Variants in GMPPA observed in about 807,000 individuals in gnomAD.
GMPPA encodes the protein mannose-1-phosphate guanylyltransferase regulatory subunit alpha.
In GMPPA, 46 loss-of-function variants were observed where a neutral mutation model predicts 58.6. That is an observed-to-expected ratio of 0.78 (90% CI 0.62 to 1.00). The LOEUF (loss-of-function observed/expected upper bound fraction) is 1.00, where lower values mean the gene tolerates loss of function less well. GMPPA is among the 50% of genes least tolerant of loss of function. The probability of loss-of-function intolerance (pLI) is 0.00; values close to 1 mark genes in which losing one functional copy is unlikely to be tolerated. For missense variants in GMPPA, 468 were observed against 556.4 expected (o/e 0.84, Z 1.60); for synonymous variants, 211 against 214.9 (o/e 0.98, Z 0.16).
chr2:219,501,330 G>A (rs1371400542), intron 3 of GMPPA, 146 bp from the exon 4 acceptor site: 1 of 655,648 alleles, frequency 1.5e-6, no homozygotes, highest in East Asian at 2.5e-5. Context: ...TTGTCCAGAG[G>A]AGAAAATAGC....
At chr2:219,499,168 C>T (rs1049565840) in intron 1 of GMPPA, 2 of 152,186 alleles carry the variant, frequency 1.3e-5, no homozygotes, top group African/African-American at 4.8e-5. Context: ...CCCAGTCGTC[C>T]GTATTAGGAC....
At chr2:219,501,287 A>G in intron 3 of GMPPA, 189 bp from the exon 4 acceptor site, 1 of 591,218 alleles carries the variant, frequency 1.7e-6, no homozygotes, top group Non-Finnish European at 3.0e-6. Flanking sequence ...AAACGAAAAA[A>G]GATCAGGCCT....
intron 2 of GMPPA, 52 bp downstream of exon 2, chr2:219,500,067 G>A (rs1310166510): frequency 1.2e-6 from 2 of 1,603,100 alleles, no homozygotes; most frequent in East Asian, 2.2e-5. Context: ...TGGTAGGCGG[G>A]ATGGGGGCAG....
chr2:219,501,671 C>T lies in GMPPA; in HGVS notation c.242+92C>T. ...GGTTGAGTCAGCATTTGCTGGAGTT[C>T]ATCCTCGCCTACTAGAAGGATTCTT... On this transcript the variant is annotated intron_variant, in intron 4 of 12. Transcript: ENST00000313597. 3.2e-6 allele frequency: 3 copies of T among 946,366 alleles called. No homozygotes were observed. The South Asian group carries it at 4.0e-5, about 13-fold the overall frequency. The allele number at this position is 946,366 out of a possible 1,614,324, so 58.6% of individuals were successfully genotyped here.
In GMPPA at chr2:219,506,030, G is replaced by A. The variant is rs1382736339; in HGVS notation, c.951G>A (p.Val317=). The A allele has an allele frequency of 2.5e-6, 4 of 1,595,930 alleles. No homozygotes were observed. Among genetic ancestry groups the A allele is most frequent in the Middle Eastern group, 1.7e-4 (1 of 6,022 alleles). The part of the protein sequence containing the change: ...IGKGVTVGEG[V]RLRESIVLHG... ...AGGGGGTGACCGTGGGTGAGGGTGT[G>A]CGGCTCCGGGAGAGCATCGTCCTCC... The change falls in exon 11 of 13, where the codon GTG becomes GTA. Residue 317 remains valine (V), a synonymous_variant. Coordinates refer to ENST00000313597, the MANE Select transcript of GMPPA (RefSeq NM_013335.4).
At chr2:219,501,800 G>T in intron 4 of GMPPA, 51 bp from the exon 5 acceptor site, 1 of 1,551,926 alleles carries the variant, frequency 6.4e-7, no homozygotes, top group South Asian at 1.1e-5. Flanking sequence ...CTGGCTCATG[G>T]TATCTGTTTC....
intron 12 of GMPPA, 121 bp from the exon 13 acceptor site, chr2:219,506,577 G>T: frequency 1.0e-6 from 1 of 979,428 alleles, no homozygotes; most frequent in East Asian, 2.6e-5. Flanking sequence ...GAGTCACCGG[G>T]GGCATGAGAC....
At position 219,506,694 on chromosome 2, in the gene GMPPA, G is replaced by T. The variant is rs755704099; in HGVS notation, c.1163-4G>T. ...CTCCCCTGGTGCCCTCATCCATGCT[G>T]CAGGCTGCCGAGTCCGGATCCCTGC... is the stretch of plus-strand genomic sequence containing the variant. On this transcript the variant is annotated splice_polypyrimidine_tract_variant and splice_region_variant and intron_variant, in intron 12 of 12. Coordinates refer to ENST00000313597, the MANE Select transcript of GMPPA (RefSeq NM_013335.4). 1 of 1,560,824 alleles carries T rather than the reference G, an allele frequency of 6.4e-7. No homozygotes were observed. The highest frequency in any genetic ancestry group is 8.8e-7 in the Non-Finnish European group (1 of 1,132,232).
Position 219,506,294 on chromosome 2 carries a change from G to T in GMPPA, c.1034G>T (p.Ser345Ile). ...CVLHSIVGWG[S>I]TVGRWARVEG... is the part of the protein sequence containing the mutation. ...CTGCATAGCATCGTGGGCTGGGGGAGCACCGTGGGACGCTGGGCCCGCGTG... is the reference window on the plus strand; with the variant it reads ...CTGCATAGCATCGTGGGCTGGGGGATCACCGTGGGACGCTGGGCCCGCGTG... Residue 345 changes from serine (S) to isoleucine (I), a missense_variant, in exon 12 of 13, where the codon AGC (serine) becomes ATC (isoleucine). Ser to Ile is a moderately radical substitution (Grantham distance 142). Transcript: ENST00000313597. 6.2e-7 allele frequency: 1 copy of T among 1,613,658 alleles called. No individual in the cohort carries two copies. Among genetic ancestry groups the T allele is most frequent in the East Asian group, 2.2e-5 (1 of 44,864 alleles).
At chr2:219,504,484 C>CT in intron 7 of GMPPA, 1 of 536,946 alleles carries the variant, frequency 1.9e-6, no homozygotes, top group Non-Finnish European at 3.3e-6. Context: ...CCAGAGACGT[C>CT]TTTCAGAACA....
intron 12 of GMPPA, 66 bp downstream of exon 12, chr2:219,506,488 A>T: frequency 1.4e-6 from 2 of 1,479,444 alleles, no homozygotes; most frequent in Non-Finnish European, 1.9e-6. Flanking sequence ...CCCGGGGAGC[A>T]TTCGTTCCTC....
At chr2:219,501,607 G>T (rs760570298) in intron 4 of GMPPA, 28 bp downstream of exon 4, 6 of 1,385,490 alleles carry the variant, frequency 4.3e-6, no homozygotes, top group Non-Finnish European at 5.1e-6. Flanking sequence ...CGTATATGGG[G>T]GGGTGGGGAT....
In GMPPA at chr2:219,502,350, G is replaced by A. The variant is rs774473102; in HGVS notation, c.430-32G>A. The A allele has an allele frequency of 1.4e-5, 22 of 1,599,116 alleles. No homozygotes were observed. The highest frequency in any genetic ancestry group is 8.3e-5 in the Admixed American group (5 of 59,962). On this transcript the variant is annotated intron_variant, in intron 5 of 12. Coordinates refer to ENST00000313597, the MANE Select transcript of GMPPA (RefSeq NM_013335.4). This position sits in a 1 kb window ranked among gnomAD's most constrained non-coding sequence, Gnocchi z 4.0. ...CAGACGTGGCTGCCCTGGAGCAGGC[G>A]GGTCACTGTCTCGGGTGTGTCTGTC... is the stretch of plus-strand genomic sequence containing the variant.
intron 4 of GMPPA, 31 bp from the exon 5 acceptor site, chr2:219,501,820 A>G: frequency 6.2e-7 from 1 of 1,602,868 alleles, no homozygotes; most frequent in Non-Finnish European, 8.5e-7. Context: ...CCTAAGATCC[A>G]CTGAGCTGGC....
intron 7 of GMPPA, chr2:219,504,969 C>T: frequency 1.0e-6 from 1 of 968,374 alleles, no homozygotes; most frequent in Non-Finnish European, 1.4e-6. Context: ...GGGGGAACTC[C>T]TTATGGAAAT....
chr2:219,502,574 A>C lies in GMPPA; in HGVS notation c.489+133A>C. On this transcript the variant is annotated intron_variant, in intron 6 of 12. Transcript: ENST00000313597. This position sits in a 1 kb window ranked among gnomAD's most constrained non-coding sequence, Gnocchi z 4.0. The stretch of plus-strand genomic sequence containing the variant: ...CAGACAGGTGAGACACTCCCGATTA[A>C]TCATCTTATATCCCTTTAAGAGAGA... 1.6e-6 allele frequency: 1 copy of C among 637,636 alleles called. No individual in the cohort carries two copies. The highest frequency in any genetic ancestry group is 3.2e-5 in the East Asian group (1 of 31,742). The allele number at this position is 637,636 out of a possible 1,614,324, so 39.5% of individuals were successfully genotyped here. A position where few individuals can be genotyped will look rare whatever the true frequency, so the allele number is the denominator to read the frequency against.
rs746678477 is a variant in GMPPA, at chr2:219,501,929, C to T, written c.321C>T (p.Pro107=). Residue 107 remains proline (P), a synonymous_variant, in exon 5 of 13, where the codon CCC becomes CCT. Transcript: ENST00000313597. The part of the protein sequence containing the change: ...HFRDQILAGS[P]EAFFVLNADV... ...GAGACCAGATCCTGGCTGGGAGCCC[C>T]GAGGCATTCTTCGTGCTCAATGCTG... is the stretch of plus-strand genomic sequence containing the variant. 1.4e-5 allele frequency: 22 copies of T among 1,613,992 alleles called. No homozygotes were observed. The highest frequency in any genetic ancestry group is 9.3e-5 in the African/African-American group (7 of 74,912).
At chr2:219,503,255 C>T (rs995476962) in intron 6 of GMPPA, among the ~76,000 whole-genome samples, 1 of 152,026 alleles carries the variant, frequency 6.6e-6, no homozygotes, top group Non-Finnish European at 1.5e-5. Context: ...GCCTCAGCCT[C>T]CTGAGTAGCT....
At chr2:219,503,737 G>A (rs768415192) in intron 6 of GMPPA, among the ~76,000 whole-genome samples, 10 of 152,210 alleles carry the variant, frequency 6.6e-5, no homozygotes, top group Non-Finnish European at 8.8e-5. Context: ...GAGAGTGACA[G>A]TGTCAACTGG....
Sources: allele counts gnomAD v4.1 joint callset (sites outside exome capture counted in the v4.1 genomes callset), GRCh38; gene constraint gnomAD v4.1.1; non-coding constraint Gnocchi (gnomAD v3.1); transcripts MANE v1.5; gene names NCBI Gene and HGNC (gene_info 2026-07-23, HGNC 2026-07-21).